The following HBS1L variants were observed in gnomAD, a reference collection of about 807,000 sequenced individuals.
The protein encoded by HBS1L is HBS1 like translational GTPase.
A neutral mutation model predicts 88.9 loss-of-function variants in HBS1L; 55 were observed. The ratio of observed to expected loss-of-function variants is 0.62; its 90% CI spans 0.50 to 0.77. The LOEUF (loss-of-function observed/expected upper bound fraction) is 0.77. HBS1L is among the 30% of genes least tolerant of loss of function. The probability of loss-of-function intolerance (pLI) is 0.00; values close to 1 mark genes in which losing one functional copy is unlikely to be tolerated. For synonymous variants in HBS1L, 267 were observed against 288.5 expected, an observed-to-expected ratio of 0.93 and a Z score of 0.76; for missense variants, 741 against 829.3, an observed-to-expected ratio of 0.89 and a Z score of 1.31.
At chr6:135,028,095 C>T (rs990036218) in intron 4 of HBS1L, among the ~76,000 whole-genome samples, 2 of 151,854 alleles carry the variant, frequency 1.3e-5, no homozygotes, top group Non-Finnish European at 2.9e-5. Flanking sequence ...ATTAAAAATG[C>T]ATGTATGTTA....
intron 1 of HBS1L, among the ~76,000 whole-genome samples, chr6:135,050,953 C>T (rs1777061878): frequency 6.6e-6 from 1 of 152,148 alleles, no homozygotes; most frequent in South Asian, 2.1e-4. Flanking sequence ...TGAGGCCAGG[C>T]ACGGTGGCTT....
At chr6:135,000,218 G>T (rs1775410600) in intron 5 of HBS1L, among the ~76,000 whole-genome samples, 1 of 89,886 alleles carries the variant, frequency 1.1e-5, no homozygotes, top group African/African-American at 7.7e-5. Context: ...ACTATACCCA[G>T]CTAATTTTTT....
intron 16 of HBS1L, among the ~76,000 whole-genome samples, chr6:134,966,704 A>G (rs1474917269): frequency 6.7e-6 from 1 of 149,504 alleles, no homozygotes; most frequent in East Asian, 1.9e-4. Flanking sequence ...ATTTTTACCA[A>G]TCTTCCAAAT....
At chr6:135,004,062 T>C (rs940842675) in intron 4 of HBS1L, among the ~76,000 whole-genome samples, 4 of 152,124 alleles carry the variant, frequency 2.6e-5, no homozygotes, top group Non-Finnish European at 4.4e-5. Flanking sequence ...GGAAACTGCA[T>C]GTGCTACATT....
At chr6:134,997,346 G>C in intron 6 of HBS1L, 51 bp downstream of exon 6, 2 of 1,604,052 alleles carry the variant, frequency 1.2e-6, no homozygotes, top group Non-Finnish European at 1.7e-6. Context: ...CCAGACAGTG[G>C]GCAGGCTAAG....
At chr6:134,967,882 T>A (rs1255789418) in intron 16 of HBS1L, among the ~76,000 whole-genome samples, 1 of 152,128 alleles carries the variant, frequency 6.6e-6, no homozygotes, top group East Asian at 1.9e-4. Context: ...CCTCAAGAAA[T>A]GTTAGTCATA....
intron 4 of HBS1L, among the ~76,000 whole-genome samples, chr6:135,035,661 G>A (rs988876576): frequency 2.7e-5 from 4 of 149,292 alleles, no homozygotes; most frequent in Middle Eastern, 3.5e-3. Flanking sequence ...TGAGGCAGGA[G>A]AATGGCGTGA....
intron 4 of HBS1L, among the ~76,000 whole-genome samples, chr6:135,039,039 A>AC (rs1423860972): frequency 6.6e-6 from 1 of 152,182 alleles, no homozygotes. Context: ...GAGGCCAGGT[A>AC]CAGTGGCTGA....
chr6:135,050,191 T>C (rs9376086), intron 2 of HBS1L, among the ~76,000 whole-genome samples: 70,909 of 152,056 alleles, frequency 0.47, 16,870 homozygotes, highest in South Asian at 0.56. Flanking sequence ...TAAAGTACTG[T>C]ATAAAGGAAA....
chr6:134,979,349 G>A (rs1332764641), intron 13 of HBS1L, 81 bp from the exon 14 acceptor site: 1 of 976,646 alleles, frequency 1.0e-6, no homozygotes, highest in East Asian at 2.5e-5. Context: ...TGGCTGATTT[G>A]TGCTTCATCA....
At chr6:135,030,204 G>T (rs1776344875) in intron 4 of HBS1L, among the ~76,000 whole-genome samples, 1 of 152,172 alleles carries the variant, frequency 6.6e-6, no homozygotes, top group East Asian at 1.9e-4. Context: ...AAACACAGAG[G>T]ATACAAGTGC....
At chr6:135,024,939 T>C (rs1776184068) in intron 4 of HBS1L, among the ~76,000 whole-genome samples, 1 of 152,156 alleles carries the variant, frequency 6.6e-6, no homozygotes, top group Non-Finnish European at 1.5e-5. Flanking sequence ...CAAGTTGACA[T>C]GATACTGGAA....
At chr6:135,003,158 T>C (rs1775513024) in intron 4 of HBS1L, among the ~76,000 whole-genome samples, 1 of 152,162 alleles carries the variant, frequency 6.6e-6, no homozygotes, top group Admixed American at 6.5e-5. Context: ...TGTTCTGACA[T>C]TATACCTAGA....
intron 2 of HBS1L, among the ~76,000 whole-genome samples, chr6:135,042,607 G>C (rs1450264776): frequency 6.6e-6 from 1 of 151,992 alleles, no homozygotes; most frequent in Non-Finnish European, 1.5e-5. Flanking sequence ...TCAGGAGTTC[G>C]AGACCAGCCT....
intron 10 of HBS1L, 75 bp from the exon 11 acceptor site, chr6:134,986,258 T>C: frequency 2.6e-6 from 2 of 757,432 alleles, no homozygotes; most frequent in Non-Finnish European, 4.5e-6. Flanking sequence ...TTACCATAAC[T>C]GCACCAAGTT....
intron 5 of HBS1L, 83 bp from the exon 6 acceptor site, chr6:134,997,739 C>T: frequency 7.9e-7 from 1 of 1,264,660 alleles, no homozygotes; most frequent in Non-Finnish European, 1.1e-6. Context: ...GAAACTGTTT[C>T]TTCATAATCC....
chr6:135,029,891 C>T (rs1776337517), intron 4 of HBS1L, among the ~76,000 whole-genome samples: 1 of 152,142 alleles, frequency 6.6e-6, no homozygotes. Context: ...GTATATTCTC[C>T]ATTTGTATAA....
At chr6:135,004,721 A>G (rs185586927) in intron 4 of HBS1L, among the ~76,000 whole-genome samples, 22 of 152,358 alleles carry the variant, frequency 1.4e-4, no homozygotes, top group Admixed American at 1.3e-3. Context: ...AAATTTTGAG[A>G]TTGGGACATA....
intron 15 of HBS1L, among the ~76,000 whole-genome samples, chr6:134,974,808 T>C (rs531552065): frequency 2.4e-4 from 37 of 152,270 alleles, no homozygotes; most frequent in Middle Eastern, 6.8e-3. Flanking sequence ...AACATCATAC[T>C]AAATGGGGAA....
Sources: allele counts gnomAD v4.1 joint callset (sites outside exome capture counted in the v4.1 genomes callset), GRCh38; gene constraint gnomAD v4.1.1; transcripts MANE v1.5; gene names NCBI Gene and HGNC (gene_info 2026-07-23, HGNC 2026-07-21).